The following FRMD4B variants were observed in gnomAD, a reference collection of about 807,000 sequenced individuals.
FRMD4B encodes the protein FERM domain-containing protein 4B.
FRMD4B carries 74 observed loss-of-function variants against 141.5 expected under a neutral mutation model. The ratio of observed to expected loss-of-function variants is 0.52; its 90% CI spans 0.43 to 0.63. The LOEUF (loss-of-function observed/expected upper bound fraction) is 0.63. Ranked by LOEUF, FRMD4B falls within the 30% of genes least tolerant of loss-of-function variation. The pLI, the probability that FRMD4B is intolerant of heterozygous loss-of-function variation, is 0.00. For synonymous variants in FRMD4B, 506 were observed against 467.9 expected, an observed-to-expected ratio of 1.08 and a Z score of -1.05; for missense variants, 1,366 against 1,253.4, an observed-to-expected ratio of 1.09 and a Z score of -1.36.
intron 2 of FRMD4B, among the ~76,000 whole-genome samples, chr3:69,417,935 C>A (rs1342325924): frequency 2.6e-5 from 4 of 152,170 alleles, no homozygotes; most frequent in Admixed American, 2.6e-4. Flanking sequence ...TCTGCTCTCT[C>A]TCTTTACATC....
intron 7 of FRMD4B, among the ~76,000 whole-genome samples, chr3:69,233,660 A>G (rs1470849728): frequency 1.3e-5 from 2 of 152,176 alleles, no homozygotes; most frequent in Non-Finnish European, 2.9e-5. Flanking sequence ...TATGTACCAT[A>G]CAGCTTACAT....
intron 3 of FRMD4B, among the ~76,000 whole-genome samples, chr3:69,304,809 G>A (rs867004625): frequency 6.6e-6 from 1 of 152,110 alleles, no homozygotes; most frequent in East Asian, 1.9e-4. Context: ...TGCTGATGGT[G>A]GTGGGATAGC....
At chr3:69,278,293 C>T (rs997949282) in intron 5 of FRMD4B, among the ~76,000 whole-genome samples, 1 of 152,094 alleles carries the variant, frequency 6.6e-6, no homozygotes, top group Non-Finnish European at 1.5e-5. Flanking sequence ...CTTCTTGAAG[C>T]CTTTATTATT....
intron 1 of FRMD4B, among the ~76,000 whole-genome samples, chr3:69,520,182 T>C (rs1575598994): frequency 1.7e-5 from 2 of 118,476 alleles, no homozygotes; most frequent in East Asian, 4.9e-4. Flanking sequence ...GGAATATATA[T>C]ATGATGGAAT....
chr3:69,399,024 T>C (rs1421529701), intron 2 of FRMD4B, among the ~76,000 whole-genome samples: 1 of 152,056 alleles, frequency 6.6e-6, no homozygotes, highest in Non-Finnish European at 1.5e-5. Context: ...CAAGGCACCA[T>C]GGTAAAATTG....
chr3:69,471,601 TTC>T (rs199681703), intron 1 of FRMD4B: 1 of 197,622 alleles, frequency 5.1e-6, no homozygotes. Context: ...TTTAATGATT[TTC>T]TCTCTGTTTT....
chr3:69,361,867 T>C (rs1050386336), intron 1 of FRMD4B, among the ~76,000 whole-genome samples: 3 of 152,224 alleles, frequency 2.0e-5, no homozygotes, highest in African/African-American at 4.8e-5. Context: ...TTCATTTCTC[T>C]TGAATAAATG....
At chr3:69,399,582 A>G (rs371091704) in intron 2 of FRMD4B, among the ~76,000 whole-genome samples, 38 of 152,294 alleles carry the variant, frequency 2.5e-4, no homozygotes, top group East Asian at 7.7e-4. Flanking sequence ...GTTTTGCCTC[A>G]TTACAGAGAG....
intron 1 of FRMD4B, among the ~76,000 whole-genome samples, chr3:69,358,013 G>T (rs945930104): frequency 3.9e-5 from 6 of 152,168 alleles, no homozygotes; most frequent in Non-Finnish European, 8.8e-5. Flanking sequence ...AAAATTTGCA[G>T]CCTGGACCTG....
chr3:69,496,867 C>T (rs1056362453), intron 1 of FRMD4B, among the ~76,000 whole-genome samples: 2 of 151,194 alleles, frequency 1.3e-5, no homozygotes, highest in African/African-American at 4.9e-5. Context: ...TATCTGACCC[C>T]CAAGAGTTAC....
chr3:69,357,312 T>C (rs1019256783), intron 1 of FRMD4B, among the ~76,000 whole-genome samples: 1 of 152,244 alleles, frequency 6.6e-6, no homozygotes, highest in Admixed American at 6.5e-5. Context: ...CCAAATGCCT[T>C]CTGCCGTGCA....
chr3:69,506,745 T>C (rs1468061580), intron 1 of FRMD4B, among the ~76,000 whole-genome samples: 3 of 152,004 alleles, frequency 2.0e-5, no homozygotes, highest in African/African-American at 7.2e-5. Flanking sequence ...GGTCTCACTA[T>C]GTTGCCCAGG....
chr3:69,270,810 C>T (rs1338573348), intron 5 of FRMD4B, among the ~76,000 whole-genome samples: 2 of 152,038 alleles, frequency 1.3e-5, no homozygotes, highest in Non-Finnish European at 2.9e-5. Context: ...GTGATCCGCC[C>T]GCCTCGGCCT....
intron 1 of FRMD4B, among the ~76,000 whole-genome samples, chr3:69,501,123 T>C (rs1217306568): frequency 1.3e-5 from 2 of 152,146 alleles, no homozygotes; most frequent in African/African-American, 2.4e-5. Flanking sequence ...GTATAAATTG[T>C]ATATGGCAAG....
intron 1 of FRMD4B, among the ~76,000 whole-genome samples, chr3:69,330,704 C>A (rs777234357): frequency 3.5e-4 from 53 of 151,750 alleles, no homozygotes; most frequent in Non-Finnish European, 6.9e-4. Context: ...ACTATGTTGC[C>A]CAGGCTGGTT....
chr3:69,302,307 A>C, intron 4 of FRMD4B, 36 bp downstream of exon 4: 1 of 1,119,764 alleles, frequency 8.9e-7, no homozygotes, highest in Non-Finnish European at 1.3e-6. Context: ...TAACAGCAAA[A>C]AAAGAGGGAT....
Position 69,198,862 on chromosome 3 carries a change from C to T in FRMD4B, c.877-88G>A, listed in dbSNP as rs2092936233. The T allele has an allele frequency of 3.2e-5, 23 of 714,750 alleles. No homozygotes were observed. In the South Asian group the frequency reaches 3.5e-4, roughly 11 times the overall value. 44.3% of individuals were successfully genotyped at this position (714,750 alleles called of 1,614,324 possible). On this transcript the variant is annotated intron_variant, in intron 11 of 22. Coordinates refer to ENST00000398540, the MANE Select transcript of FRMD4B (RefSeq NM_015123.3). ...AGCTTAATAATCAAACAATTATAAG[C>T]TCCAAGAAGGTACACTGATACGATG...
At chr3:69,380,262 G>C (rs1323391066) in intron 1 of FRMD4B, among the ~76,000 whole-genome samples, 1 of 152,104 alleles carries the variant, frequency 6.6e-6, no homozygotes, top group African/African-American at 2.4e-5. Flanking sequence ...CCCCACACAC[G>C]CTGCTGTGGG....
chr3:69,172,817 T>A (rs1436351992), intron 22 of FRMD4B, among the ~76,000 whole-genome samples: 1 of 152,228 alleles, frequency 6.6e-6, no homozygotes, highest in Non-Finnish European at 1.5e-5. Flanking sequence ...TAAGAGAGAT[T>A]AGACAGTTAG....
Sources: allele counts gnomAD v4.1 joint callset (sites outside exome capture counted in the v4.1 genomes callset), GRCh38; gene constraint gnomAD v4.1.1; transcripts MANE v1.5; gene names NCBI Gene and HGNC (gene_info 2026-07-23, HGNC 2026-07-21).